The following SLC12A6 variants were observed in gnomAD, a reference collection of about 807,000 sequenced individuals.
SLC12A6 encodes the protein K-Cl cotransporter 3.
Under a neutral mutation model 135.3 loss-of-function variants are expected in SLC12A6, and 66 were observed. That is an observed-to-expected ratio of 0.49 (90% CI 0.40 to 0.60). The LOEUF is 0.60. Among genes scored for constraint, SLC12A6 ranks in the 20% least tolerant of loss-of-function variants. The pLI is 0.00. For missense variants in SLC12A6, 1,058 were observed against 1,452.3 expected, an observed-to-expected ratio of 0.73 and a Z score of 4.41; for synonymous variants, 513 against 508.8, an observed-to-expected ratio of 1.01 and a Z score of -0.11.
intron 2 of SLC12A6, among the ~76,000 whole-genome samples, chr15:34,331,790 C>T (rs1889869089): frequency 6.6e-6 from 1 of 152,144 alleles, no homozygotes; most frequent in Non-Finnish European, 1.5e-5. Context: ...GGGGTTCAAT[C>T]AGAAAAGGTT....
Position 34,307,290 on chromosome 15 carries a change from T to C in SLC12A6, c.271+29120A>G, listed in dbSNP as rs1159412446. ...GAAGAATACCTACAGGTAACAGACATGAACAGGAAGTTCACTAAACTTTTC... is the reference window on the plus strand; with the variant it reads ...GAAGAATACCTACAGGTAACAGACACGAACAGGAAGTTCACTAAACTTTTC... On this transcript the variant is annotated intron_variant, in intron 2 of 25. Transcript: ENST00000354181. 2.6e-5 allele frequency among the ~76,000 whole-genome samples: 4 copies of C among 152,232 alleles called. No individual in the cohort carries two copies. In the East Asian group the frequency reaches 5.8e-4, roughly 22 times the overall value.
chr15:34,332,488 G>A (rs915740535), intron 2 of SLC12A6, among the ~76,000 whole-genome samples: 3 of 152,150 alleles, frequency 2.0e-5, no homozygotes, highest in Non-Finnish European at 4.4e-5. Flanking sequence ...AGGTTGAAAT[G>A]TATTAGGGAC....
intron 2 of SLC12A6, among the ~76,000 whole-genome samples, chr15:34,296,051 T>C (rs114275943): frequency 0.027 from 4,163 of 152,292 alleles, 193 homozygotes; most frequent in African/African-American, 0.095. Context: ...TTATTTATAA[T>C]AGTAATTGTT....
chr15:34,285,713 T>TATACACACACACACACA (rs776596338), intron 2 of SLC12A6, among the ~76,000 whole-genome samples: 1 of 45,164 alleles, frequency 2.2e-5, no homozygotes, highest in African/African-American at 5.5e-5. Flanking sequence ...TGTGTGTGTG[T>TATACACACACACACACA]TTGTCATACA....
At chr15:34,312,465 T>A (rs1305655723) in intron 2 of SLC12A6, among the ~76,000 whole-genome samples, 1 of 152,160 alleles carries the variant, frequency 6.6e-6, no homozygotes, top group Middle Eastern at 3.2e-3. Context: ...GAGTTTATAA[T>A]CAGTGTACCA....
chr15:34,283,775 G>A (rs927654827), intron 2 of SLC12A6, among the ~76,000 whole-genome samples: 3 of 151,640 alleles, frequency 2.0e-5, no homozygotes, highest in African/African-American at 7.3e-5. Context: ...TTTGAAACAG[G>A]GTCTTGCGCT....
At chr15:34,268,980 C>T (rs1893719289) in intron 3 of SLC12A6, among the ~76,000 whole-genome samples, 1 of 152,046 alleles carries the variant, frequency 6.6e-6, no homozygotes, top group Admixed American at 6.5e-5. Flanking sequence ...CCTCAGCCTC[C>T]CGAGTAGCTG....
chr15:34,259,031 A>T (rs1667509559), intron 4 of SLC12A6, 87 bp from the exon 5 acceptor site: 14 of 1,164,370 alleles, frequency 1.2e-5, no homozygotes. Context: ...AAAACTTCAA[A>T]TTAAATGAAA....
intron 2 of SLC12A6, among the ~76,000 whole-genome samples, chr15:34,277,314 T>C (rs1485127300): frequency 6.6e-6 from 1 of 152,074 alleles, no homozygotes; most frequent in East Asian, 1.9e-4. Flanking sequence ...TGTGCACCTG[T>C]AGTCCCAGCT....
Position 34,229,961 on chromosome 15 carries a change from G to GACAA in SLC12A6, c.*3916_*3919dup, listed in dbSNP as rs751075931. On this transcript the variant is annotated 3_prime_UTR_variant, in exon 26 of 26. Coordinates refer to ENST00000354181, the MANE Select transcript of SLC12A6 (RefSeq NM_001365088.1). ...CCTAGAAGGACAATGTGCATATTAC[G>GACAA]ACAAACACAAAGAAACTATACCATA... 1.5e-6 allele frequency: 1 copy of GACAA among 660,952 alleles called. No individual in the cohort carries two copies. Among genetic ancestry groups the GACAA allele is most frequent in the South Asian group, 1.7e-5 (1 of 58,040 alleles). The allele number at this position is 660,952 out of a possible 1,614,324, so 40.9% of individuals were successfully genotyped here.
At chr15:34,242,731 T>C (rs1185340997) in intron 16 of SLC12A6, among the ~76,000 whole-genome samples, 4 of 152,112 alleles carry the variant, frequency 2.6e-5, no homozygotes, top group African/African-American at 9.7e-5. Flanking sequence ...CAGAACTCAC[T>C]GAGAAAAATT....
chr15:34,336,553 A>T lies in SLC12A6; in HGVS notation c.128T>A (p.Val43Glu). 2.5e-6 allele frequency: 4 copies of T among 1,613,858 alleles called. No individual in the cohort carries two copies. The highest frequency in any genetic ancestry group is 3.4e-6 in the Non-Finnish European group (4 of 1,179,932). ...PDLSSRSSSR[V>E]RFSSRESVPE... is the part of the protein sequence containing the mutation. ...CACGCTTTCCCGGGAGCTAAATCTT[A>T]CTCGGGAACTAGATCGAGAGCTGAG... The change falls in exon 2 of 26, where the codon GTA becomes GAA. Residue 43 changes from valine (V) to glutamate (E), a missense_variant. By Grantham distance (121) the Val-to-Glu change is moderately radical. Around this residue, in one of 6 missense-constraint regions of SLC12A6, gnomAD observed 176 missense variants for 168.9 expected, o/e 1.04. Transcript: ENST00000354181.
At chr15:34,315,724 G>A (rs1181866189) in intron 2 of SLC12A6, among the ~76,000 whole-genome samples, 2 of 152,100 alleles carry the variant, frequency 1.3e-5, no homozygotes, top group African/African-American at 4.8e-5. Context: ...AGTGGCTTAC[G>A]CCTGTAATCC....
Position 34,239,177 on chromosome 15 carries a change from A to AC in SLC12A6, c.2437-18dup. On this transcript the variant is annotated splice_polypyrimidine_tract_variant and intron_variant, in intron 19 of 25. Transcript: ENST00000354181. ...CTTTATGGTCTGAAAGAGACACAGG[A>AC]CCGCAACACTGAACTGGTTCACTCT... 1 of 1,569,912 alleles carries AC rather than the reference A, an allele frequency of 6.4e-7. No individual in the cohort carries two copies. The highest frequency in any genetic ancestry group is 8.8e-7 in the Non-Finnish European group (1 of 1,139,974).
intron 3 of SLC12A6, among the ~76,000 whole-genome samples, chr15:34,267,918 T>C (rs967961532): frequency 6.6e-6 from 1 of 152,116 alleles, no homozygotes. Flanking sequence ...TTTTTATATC[T>C]ATATATATTT....
At chr15:34,313,367 C>T (rs1481642219) in intron 2 of SLC12A6, among the ~76,000 whole-genome samples, 1 of 152,216 alleles carries the variant, frequency 6.6e-6, no homozygotes, top group Non-Finnish European at 1.5e-5. Context: ...CCAGCCACAA[C>T]ATTCCAATAT....
chr15:34,315,876 T>C (rs1019545040), intron 2 of SLC12A6, among the ~76,000 whole-genome samples: 1 of 151,906 alleles, frequency 6.6e-6, no homozygotes, highest in African/African-American at 2.4e-5. Context: ...GAGGTGGAGG[T>C]TGCAGCGAGC....
At chr15:34,308,025 A>C (rs1246836134) in intron 2 of SLC12A6, among the ~76,000 whole-genome samples, 5 of 152,180 alleles carry the variant, frequency 3.3e-5, no homozygotes, top group African/African-American at 1.2e-4. Context: ...TTCTACCTAT[A>C]TTAGTATTTT....
chr15:34,236,133 C>T lies in SLC12A6; in HGVS notation c.3109G>A (p.Glu1037Lys), dbSNP rs775973016. 6.2e-7 allele frequency: 1 copy of T among 1,613,800 alleles called. No homozygotes were observed. The highest frequency in any genetic ancestry group is 1.3e-5 in the African/African-American group (1 of 74,914). Residue 1037 changes from glutamate to lysine, a missense_variant, in exon 24 of 26, where the codon GAG (glutamate) becomes AAG (lysine). Glu to Lys is a moderately conservative substitution (Grantham distance 56, BLOSUM62 1). Transcript: ENST00000354181. ...ACCTTCTCCTGATAGGTTTCTGTCT[C>T]TTCGTCCTCATCAGAGCCAATGCTG... is the stretch of plus-strand genomic sequence containing the variant. The part of the protein sequence containing the change: ...LTSIGSDEDE[E>K]TETYQEKVHM...
Sources: allele counts gnomAD v4.1 joint callset (sites outside exome capture counted in the v4.1 genomes callset), GRCh38; gene constraint gnomAD v4.1.1; regional missense constraint gnomAD v4.1.1; transcripts MANE v1.5; gene names NCBI Gene and HGNC (gene_info 2026-07-23, HGNC 2026-07-21).